The following ITPRIPL1 variants were observed in gnomAD, a reference collection of about 807,000 sequenced individuals.
ITPRIPL1 encodes the protein ITPRIP like 1, also known as inositol 1,4,5-trisphosphate receptor-interacting protein-like 1.
Under a neutral mutation model 40.0 loss-of-function variants are expected in ITPRIPL1, and 28 were observed. The observed-to-expected ratio is 0.70, with a 90% CI of 0.52 to 0.96. The LOEUF (loss-of-function observed/expected upper bound fraction) is 0.96. Ranked by LOEUF, ITPRIPL1 falls within the 40% of genes least tolerant of loss-of-function variation. The pLI is 0.00. For synonymous variants in ITPRIPL1, 251 were observed against 275.7 expected (o/e 0.91, Z 0.89); for missense variants, 638 against 698.0 (o/e 0.91, Z 0.97).
Position 96,326,861 on chromosome 2 carries a change from C to G in ITPRIPL1, c.230C>G (p.Thr77Arg). 1 of 1,614,192 alleles carries G rather than the reference C, an allele frequency of 6.2e-7. No individual in the cohort carries two copies. The highest frequency in any genetic ancestry group is 1.1e-5 in the South Asian group (1 of 91,084). Residue 77 changes from threonine to arginine, a missense_variant, in exon 3 of 3, where the codon ACA (threonine) becomes AGA (arginine). Thr to Arg is a moderately conservative substitution (Grantham distance 71, BLOSUM62 -1). Coordinates refer to ENST00000439118, the MANE Select transcript of ITPRIPL1 (RefSeq NM_001008949.3). ...AGGCAGAAGGCAGAGAACTTCTGGA[C>G]AGGAGACACATCCAGTGACCAGTTA... ...EQRQKAENFW[T>R]GDTSSDQLVL... is the part of the protein sequence containing the mutation.
At chr2:96,329,972 C>G (rs1005372734), downstream of ITPRIPL1, 1 of 152,190 alleles carries the variant, frequency 6.6e-6, no homozygotes, top group Non-Finnish European at 1.5e-5. Flanking sequence ...TGTCCCAAAG[C>G]CAGGTGCAGT....
intron 2 of ITPRIPL1, 87 bp from the exon 3 acceptor site, chr2:96,326,555 T>C: frequency 6.3e-7 from 1 of 1,583,336 alleles, no homozygotes; most frequent in Non-Finnish European, 8.6e-7. Flanking sequence ...TTTCAGAATT[T>C]GGGGTACCAG....
downstream of ITPRIPL1, chr2:96,328,845 A>G (rs1318424327): frequency 6.5e-6 from 1 of 153,090 alleles, no homozygotes; most frequent in Non-Finnish European, 1.5e-5. Flanking sequence ...TTTTGAAAAT[A>G]TAACCAAGGC....
chr2:96,328,428 A>G, downstream of ITPRIPL1: 1 of 904,362 alleles, frequency 1.1e-6, no homozygotes, highest in Non-Finnish European at 1.7e-6. Flanking sequence ...ATGATGAGAC[A>G]CCTTAAGGAG....
At chr2:96,326,489 C>A in intron 2 of ITPRIPL1, 153 bp from the exon 3 acceptor site, 2 of 1,551,686 alleles carry the variant, frequency 1.3e-6, no homozygotes, top group Non-Finnish European at 1.7e-6. Context: ...GGCCGACCAC[C>A]CTTGCTGTGT....
At chr2:96,326,062 C>A in intron 2 of ITPRIPL1, 2 of 1,122,108 alleles carry the variant, frequency 1.8e-6, no homozygotes. Flanking sequence ...CCGTAGCAAG[C>A]AGCTGGCGGC....
chr2:96,325,719 C>T lies in ITPRIPL1; in HGVS notation c.-93-28C>T. The T allele has an allele frequency of 4.0e-6, 4 of 1,001,334 alleles. No homozygotes were observed. The South Asian group carries it at 5.3e-5, about 13-fold the overall frequency. 62.0% of individuals were successfully genotyped at this position (1,001,334 alleles called of 1,614,324 possible). A position where few individuals can be genotyped will look rare whatever the true frequency, so the allele number is the denominator to read the frequency against. ...GGTCGGGTTCCGATTTGAGCCAAAG[C>T]CCCCAGGTACCTTGTACATTTTAAC... On this transcript the variant is annotated intron_variant, in intron 1 of 2. Transcript: ENST00000439118.
At chr2:96,330,246 T>TAAAA (rs1234618513), downstream of ITPRIPL1, 1 of 18,822 alleles carries the variant, frequency 5.3e-5, no homozygotes, top group African/African-American at 1.9e-4. Flanking sequence ...AGACCGCGTC[T>TAAAA]CAAAAAAAAA....
In ITPRIPL1 at chr2:96,327,962, T is replaced by C; in HGVS notation, c.1331T>C (p.Leu444Pro). ...CCCCATGGAGCATCCCGCCCCATCC[T>C]CACTTCTTACCATTTTAAAACAGCT... ...SLPHGASRPILTSYHFKTALM... is the reference protein window; with the variant it reads ...SLPHGASRPIPTSYHFKTALM... The change falls in exon 3 of 3, where the codon CTC (leucine) becomes CCC (proline). Residue 444 changes from leucine to proline, a missense_variant. Physicochemically the swap from Leu to Pro is moderately conservative, Grantham distance 98. Coordinates refer to ENST00000439118, the MANE Select transcript of ITPRIPL1 (RefSeq NM_001008949.3). 1.2e-6 allele frequency: 2 copies of C among 1,614,070 alleles called. No individual in the cohort carries two copies. Among genetic ancestry groups the C allele is most frequent in the Non-Finnish European group, 1.7e-6 (2 of 1,180,020 alleles).
chr2:96,326,558 G>A, intron 2 of ITPRIPL1, 84 bp from the exon 3 acceptor site: 2 of 1,585,090 alleles, frequency 1.3e-6, no homozygotes, highest in Non-Finnish European at 1.7e-6. Context: ...CAGAATTTGG[G>A]GTACCAGGGC....
Position 96,327,821 on chromosome 2 carries a change from C to T in ITPRIPL1, c.1190C>T (p.Ser397Phe), listed in dbSNP as rs772023375. The part of the protein sequence containing the change: ...EQLTSVDWPE[S>F]FVACEHLFLK... ...CTCACCAGTGTGGACTGGCCTGAGT[C>T]CTTTGTGGCCTGTGAGCACCTGTTC... Residue 397 changes from serine (S) to phenylalanine (F), a missense_variant, in exon 3 of 3, where the codon TCC becomes TTC. Transcript: ENST00000439118. The T allele has an allele frequency of 2.0e-5, 32 of 1,614,006 alleles. No individual in the cohort carries two copies. Among genetic ancestry groups the T allele is most frequent in the African/African-American group, 5.3e-5 (4 of 74,916 alleles).
In ITPRIPL1 at chr2:96,327,672, C is replaced by A. The variant is rs969651685; in HGVS notation, c.1041C>A (p.Thr347=). ...YDFKLSLPPS[T]TSCKLRLDYR... is the part of the protein sequence containing the mutation. ...TTAAACTCAGTCTCCCACCGTCTAC[C>A]ACCTCCTGCAAGCTCCGGCTGGACT... The change falls in exon 3 of 3, where the codon ACC becomes ACA. Residue 347 remains threonine (T), a synonymous_variant. Transcript: ENST00000439118. 3.7e-6 allele frequency: 6 copies of A among 1,613,268 alleles called. No individual in the cohort carries two copies. The highest frequency in any genetic ancestry group is 5.1e-6 in the Non-Finnish European group (6 of 1,179,766).
Position 96,327,453 on chromosome 2 carries a change from G to A in ITPRIPL1, c.822G>A (p.Lys274=). Residue 274 remains lysine, a synonymous_variant, in exon 3 of 3, where the codon AAG becomes AAA. Coordinates refer to ENST00000439118, the MANE Select transcript of ITPRIPL1 (RefSeq NM_001008949.3). ...CVLVESECVC[K]REKLLGDVLC... is the part of the protein sequence containing the mutation. ...TGGTGGAGTCAGAATGTGTGTGCAA[G>A]CGTGAGAAACTCCTAGGGGACGTGC... 1.2e-6 allele frequency: 2 copies of A among 1,614,100 alleles called. No individual in the cohort carries two copies. Among genetic ancestry groups the A allele is most frequent in the Non-Finnish European group, 1.7e-6 (2 of 1,179,998 alleles).
chr2:96,326,777 G>A lies in ITPRIPL1; in HGVS notation c.146G>A (p.Ser49Asn), dbSNP rs1481286674. Residue 49 changes from serine (S) to asparagine (N), a missense_variant, in exon 3 of 3, where the codon AGT (serine) becomes AAT (asparagine). Ser to Asn is a conservative substitution (Grantham distance 46). Coordinates refer to ENST00000439118, the MANE Select transcript of ITPRIPL1 (RefSeq NM_001008949.3). ...ARSRQLEKRMSEEMRLLEMEF... is the reference protein window; with the variant it reads ...ARSRQLEKRMNEEMRLLEMEF... ...AGTCGGCAGCTGGAGAAGCGAATGA[G>A]TGAGGAGATGCGCCTGCTAGAGATG... The A allele has an allele frequency of 1.2e-6, 2 of 1,614,214 alleles. No homozygotes were observed. Among genetic ancestry groups the A allele is most frequent in the African/African-American group, 2.7e-5 (2 of 75,064 alleles).
downstream of ITPRIPL1, chr2:96,330,208 T>C (rs775840845): frequency 1.1e-4 from 14 of 128,774 alleles, no homozygotes; most frequent in Admixed American, 3.0e-4. Flanking sequence ...AGTGTCACTG[T>C]GCTCCAGCGA....
downstream of ITPRIPL1, chr2:96,329,152 TATATATATATATA>T (rs1558782532): frequency 3.0e-3 from 17 of 5,706 alleles, no homozygotes; most frequent in South Asian, 0.053. Flanking sequence ...AAAAAAATTA[TATATATATATATA>T]TATATATATA....
downstream of ITPRIPL1, chr2:96,329,448 C>T (rs1004195974): frequency 6.6e-6 from 1 of 151,620 alleles, no homozygotes; most frequent in Non-Finnish European, 1.5e-5. Flanking sequence ...TTTGGGGGCT[C>T]TGAGATGAAT....
rs778717505 is a variant in ITPRIPL1, at chr2:96,327,095, C to G, written c.464C>G (p.Ser155Cys). 5 of 1,614,088 alleles carry G rather than the reference C, an allele frequency of 3.1e-6. No homozygotes were observed. Among genetic ancestry groups the G allele is most frequent in the Non-Finnish European group, 4.2e-6 (5 of 1,180,038 alleles). Residue 155 changes from serine to cysteine, a missense_variant, in exon 3 of 3, where the codon TCT becomes TGT. Coordinates refer to ENST00000439118, the MANE Select transcript of ITPRIPL1 (RefSeq NM_001008949.3). ...GAAGTCCGTGTTGTCCCTGTCACCT[C>G]TTACAACTGGCTTACTGACTTCCCC... ...EEEVRVVPVT[S>C]YNWLTDFPSQ...
chr2:96,326,058 C>T (rs1319064303), intron 2 of ITPRIPL1: 2 of 1,113,994 alleles, frequency 1.8e-6, no homozygotes, highest in Middle Eastern at 2.3e-4. Flanking sequence ...GGCACCGTAG[C>T]AAGCAGCTGG....
Sources: allele counts gnomAD v4.1 joint callset, GRCh38; gene constraint gnomAD v4.1.1; transcripts MANE v1.5; gene names NCBI Gene and HGNC (gene_info 2026-07-23, HGNC 2026-07-21).